Variants in ARSG observed in about 807,000 individuals in gnomAD.
ARSG encodes the protein arylsulfatase G.
Under a neutral mutation model 50.5 loss-of-function variants are expected in ARSG, and 37 were observed. The observed-to-expected ratio is 0.73, with a 90% CI of 0.56 to 0.96. The LOEUF (loss-of-function observed/expected upper bound fraction) is 0.96, where lower values mean the gene tolerates loss of function less well. Among genes scored for constraint, ARSG ranks in the 50% least tolerant of loss-of-function variants. The pLI is 0.00. For missense variants in ARSG, 629 were observed against 675.3 expected (o/e 0.93, Z 0.76); for synonymous variants, 225 against 254.6 (o/e 0.88, Z 1.11).
At chr17:68,445,505 C>T in the ARSG span, among the ~76,000 whole-genome samples, 1,689 of 149,154 alleles carry the variant, frequency 0.011, 29 homozygotes, top group African/African-American at 0.039. Flanking sequence ...AGAAGGGCTT[C>T]GGCCCCATTT....
chr17:68,406,305 CT>C (rs1389465136), intron 11 of ARSG, among the ~76,000 whole-genome samples: 1 of 152,142 alleles, frequency 6.6e-6, no homozygotes, highest in Non-Finnish European at 1.5e-5. Context: ...GACATTTGGG[CT>C]GGTTCCACAT....
chr17:68,419,329 A>G (rs146343347), intron 11 of ARSG, among the ~76,000 whole-genome samples: 2,567 of 152,152 alleles, frequency 0.017, 82 homozygotes, highest in African/African-American at 0.059. Flanking sequence ...GGGAGGCCGA[A>G]GTGGGCAGAT....
intron 6 of ARSG, among the ~76,000 whole-genome samples, chr17:68,361,197 T>C (rs1177756953): frequency 1.3e-5 from 2 of 152,048 alleles, no homozygotes; most frequent in East Asian, 1.9e-4. Context: ...TAACCCTTAA[T>C]GGGGTGGTAT....
rs2082697551 is a variant in ARSG, at chr17:68,420,388, A to G, written c.1503A>G (p.Ala501=). ...TTGCCAACGACAACATCTCCAGCGC[A>G]GATTACACTCAGGACCCTTCAGTAA... is the stretch of plus-strand genomic sequence containing the variant. ...QDIANDNISS[A]DYTQDPSVTP... Residue 501 remains alanine, a synonymous_variant, in exon 12 of 12, where the codon GCA becomes GCG. Transcript: ENST00000621439. The G allele has an allele frequency of 6.2e-7, 1 of 1,614,190 alleles. No homozygotes were observed. Among genetic ancestry groups the G allele is most frequent in the East Asian group, 2.2e-5 (1 of 44,878 alleles).
intron 8 of ARSG, among the ~76,000 whole-genome samples, chr17:68,374,292 T>G (rs2146827573): frequency 6.6e-6 from 1 of 152,256 alleles, no homozygotes; most frequent in Middle Eastern, 3.4e-3. Context: ...TCTTCAGTGT[T>G]CAGTTAGAAA....
chr17:68,271,594 A>C lies in ARSG; in HGVS notation c.-552+12168A>C. 6.2e-7 allele frequency: 1 copy of C among 1,614,164 alleles called. No homozygotes were observed. The highest frequency in any genetic ancestry group is 1.1e-5 in the South Asian group (1 of 91,086). On this transcript the variant is annotated intron_variant, in intron 1 of 11. Transcript: ENST00000448504. This position sits in a 1 kb window ranked among gnomAD's most constrained non-coding sequence, Gnocchi z 5.3. ...TCCGAAGATGACAATGTTTAACTGT[A>C]GTAGGCCCACGAAGAGGAGGCTGTA... is the stretch of plus-strand genomic sequence containing the variant.
At chr17:68,275,805 C>G (rs1366987578) in intron 1 of ARSG, among the ~76,000 whole-genome samples, 1 of 151,906 alleles carries the variant, frequency 6.6e-6, no homozygotes, top group Non-Finnish European at 1.5e-5. Context: ...CATAGCAAAA[C>G]CCCGTCTCTA....
chr17:68,434,647 A>G, the ARSG span: 1 of 1,613,326 alleles, frequency 6.2e-7, no homozygotes, highest in Middle Eastern at 1.7e-4. Flanking sequence ...AAGCAGGTGG[A>G]CATTTCATAA....
In ARSG at chr17:68,329,751, GGAA is replaced by G. The variant is rs200507939; in HGVS notation, c.219-13846_219-13844del. On this transcript the variant is annotated intron_variant, in intron 2 of 11. Coordinates refer to ENST00000621439, the MANE Select transcript of ARSG (RefSeq NM_001267727.2). The stretch of plus-strand genomic sequence containing the variant: ...TCTTTTGGCTTCCCTGGGCCATGTT[GGAA>G]GAAGAATTGTCTTGGGCCACATATA... 1.4e-3 allele frequency among the ~76,000 whole-genome samples: 206 copies of G among 152,182 alleles called. 6 individuals are homozygous for G. The East Asian group carries it at 0.035, about 26-fold the overall frequency.
chr17:68,259,175 T>G (rs1277548202), upstream of ARSG: 3 of 152,246 alleles, frequency 2.0e-5, no homozygotes, highest in East Asian at 5.8e-4. Flanking sequence ...AACGCGTCGC[T>G]GTCCCCGGCT....
chr17:68,309,294 T>A (rs1379489794), intron 2 of ARSG, among the ~76,000 whole-genome samples: 3 of 152,164 alleles, frequency 2.0e-5, no homozygotes, highest in African/African-American at 7.2e-5. Context: ...CGCCTCTCCC[T>A]CCACACCTCC....
chr17:68,312,001 T>C (rs1364738085), intron 2 of ARSG, among the ~76,000 whole-genome samples: 1 of 152,082 alleles, frequency 6.6e-6, no homozygotes, highest in Non-Finnish European at 1.5e-5. Flanking sequence ...GGTTTCACCA[T>C]GTTGGCTAGG....
chr17:68,409,737 A>G (rs1401775818), intron 11 of ARSG, among the ~76,000 whole-genome samples: 1 of 150,504 alleles, frequency 6.6e-6, no homozygotes, highest in African/African-American at 2.5e-5. Context: ...CACGATATTG[A>G]TTCTTCCTAC....
At chr17:68,438,411 T>G in the ARSG span, among the ~76,000 whole-genome samples, 1 of 152,208 alleles carries the variant, frequency 6.6e-6, no homozygotes, top group African/African-American at 2.4e-5. Flanking sequence ...CAGAAGGGAT[T>G]CTAGTCTTGT....
intron 6 of ARSG, among the ~76,000 whole-genome samples, chr17:68,360,303 C>A (rs1400891631): frequency 1.3e-5 from 2 of 152,208 alleles, no homozygotes; most frequent in Non-Finnish European, 2.9e-5. Context: ...AAATGATTTT[C>A]TGAGCATCAG....
intron 3 of ARSG, chr17:68,346,922 G>T (rs747976739): frequency 4.0e-6 from 6 of 1,495,678 alleles, no homozygotes; most frequent in Non-Finnish European, 4.5e-6. Flanking sequence ...TGTGAGTCTG[G>T]GGTCATCCTT....
At chr17:68,408,210 G>T (rs185392415) in intron 11 of ARSG, among the ~76,000 whole-genome samples, 3 of 151,456 alleles carry the variant, frequency 2.0e-5, no homozygotes, top group African/African-American at 7.3e-5. Flanking sequence ...TGCCATGCTG[G>T]TGTGCTGCAC....
intron 10 of ARSG, among the ~76,000 whole-genome samples, chr17:68,397,381 G>A (rs2081290750): frequency 6.6e-6 from 1 of 152,120 alleles, no homozygotes; most frequent in East Asian, 1.9e-4. Flanking sequence ...AGAGCACACG[G>A]GGCTGGCACC....
downstream of ARSG, chr17:68,421,575 C>G: frequency 3.1e-6 from 2 of 649,232 alleles, no homozygotes. Context: ...TATACAATGT[C>G]TCCCGCGCCC....
Sources: gnomAD v4.1 joint callset for allele counts (sites outside exome capture counted in the v4.1 genomes callset) on GRCh38, gnomAD v4.1.1 for gene constraint, Gnocchi (gnomAD v3.1) non-coding constraint, MANE v1.5 for transcripts, NCBI Gene and HGNC (gene_info 2026-07-23, HGNC 2026-07-21) for gene names.